Variants in TBC1D2 observed in about 807,000 individuals in gnomAD.
The protein encoded by TBC1D2 is TBC1 domain family member 2.
Under a neutral mutation model 91.1 loss-of-function variants are expected in TBC1D2, and 58 were observed. That is an observed-to-expected ratio of 0.64 (90% CI 0.52 to 0.79). TBC1D2 has a LOEUF of 0.79. Among genes scored for constraint, TBC1D2 ranks in the 30% least tolerant of loss-of-function variants. The pLI, the probability that TBC1D2 is intolerant of heterozygous loss-of-function variation, is 0.00. For synonymous variants in TBC1D2, 482 were observed against 511.5 expected (o/e 0.94, Z 0.78); for missense variants, 1,080 against 1,208.3 (o/e 0.89, Z 1.57).
chr9:98,247,303 C>CTGTGT (rs1829783694), intron 2 of TBC1D2, among the ~76,000 whole-genome samples: 1 of 148,432 alleles, frequency 6.7e-6, no homozygotes, highest in Non-Finnish European at 1.5e-5. Flanking sequence ...TTCCAGCAGC[C>CTGTGT]TGTGTGACAG....
intron 5 of TBC1D2, among the ~76,000 whole-genome samples, chr9:98,222,858 T>C (rs947130540): frequency 1.3e-5 from 2 of 152,230 alleles, no homozygotes; most frequent in Non-Finnish European, 2.9e-5. Flanking sequence ...CCAAAAACCA[T>C]GACTTTTTTG....
rs966187812 is a variant in TBC1D2 at position 98,243,926 on chromosome 9, A to C, written c.647+68T>G. 1.6e-5 allele frequency: 25 copies of C among 1,555,596 alleles called. No homozygotes were observed. The African/African-American group carries it at 3.1e-4, about 19-fold the overall frequency. ...GCCCATCTCCCTGCAGGAGAATCAC[A>C]GTGGGTCAAGCTCCACTGAAGGGGC... On this transcript the variant is annotated intron_variant, in intron 3 of 12. Transcript: ENST00000465784.
At chr9:98,251,579 C>G (rs1004733478) in intron 2 of TBC1D2, among the ~76,000 whole-genome samples, 6 of 152,194 alleles carry the variant, frequency 3.9e-5, no homozygotes, top group Admixed American at 6.5e-5. Flanking sequence ...AAAGGTTAAA[C>G]AACTTGCCTA....
At position 98,238,731 on chromosome 9, in the gene TBC1D2, T is replaced by TTTCTTTGTTTTTTG. The variant is rs1373994080; in HGVS notation, c.648-5183_648-5182insCAAAAAACAAAGAA. ...GCTGGGGAAGTTTCGTTCTACTTGT[T>TTTCTTTGTTTTTTG]TTTTTTGTTTTTTGTTTTTTGTTTT... On this transcript the variant is annotated intron_variant, in intron 3 of 12. Coordinates refer to ENST00000465784, the MANE Select transcript of TBC1D2 (RefSeq NM_001267571.2). Among the ~76,000 whole-genome samples the TTTCTTTGTTTTTTG allele has an allele frequency of 1.5e-5, 2 of 136,630 alleles. 1 individual carries two copies. Among genetic ancestry groups the TTTCTTTGTTTTTTG allele is most frequent in the Non-Finnish European group, 3.0e-5 (2 of 67,642 alleles). 89.6% of individuals were successfully genotyped at this position (136,630 alleles called of 152,430 possible).
chr9:98,201,015 C>CAAA (rs561393645), intron 11 of TBC1D2, among the ~76,000 whole-genome samples: 24 of 110,846 alleles, frequency 2.2e-4, no homozygotes, highest in African/African-American at 7.7e-4. Flanking sequence ...GGCTCCATCT[C>CAAA]AAAAAAAAAA....
chr9:98,204,022 C>T (rs973167709), intron 9 of TBC1D2, among the ~76,000 whole-genome samples: 4 of 152,052 alleles, frequency 2.6e-5, no homozygotes, highest in African/African-American at 9.7e-5. Flanking sequence ...TTTTTTTCTC[C>T]TTTACTTCCC....
intron 6 of TBC1D2, among the ~76,000 whole-genome samples, chr9:98,217,964 C>T (rs898056419): frequency 6.6e-5 from 10 of 152,132 alleles, no homozygotes; most frequent in African/African-American, 2.4e-4. Flanking sequence ...AATCCTCTAG[C>T]TTCAGCTTCC....
intron 8 of TBC1D2, 135 bp downstream of exon 8, chr9:98,210,521 C>T (rs1828805600): frequency 1.2e-6 from 1 of 851,824 alleles, no homozygotes; most frequent in Non-Finnish European, 1.7e-6. Context: ...TGCAGCCGCA[C>T]ACTAATGCAT....
chr9:98,207,189 T>C (rs1828676584), intron 9 of TBC1D2, among the ~76,000 whole-genome samples: 1 of 152,212 alleles, frequency 6.6e-6, no homozygotes, highest in Non-Finnish European at 1.5e-5. Flanking sequence ...TCACCCAATT[T>C]TAGGCTGGAA....
Position 98,255,506 on chromosome 9 carries a change from G to T in TBC1D2, c.36C>A (p.Ser12Arg), listed in dbSNP as rs1829958320. The T allele has an allele frequency of 6.5e-7, 1 of 1,547,682 alleles. No individual in the cohort carries two copies. Among genetic ancestry groups the T allele is most frequent in the Non-Finnish European group, 8.7e-7 (1 of 1,145,378 alleles). Residue 12 changes from serine (S) to arginine (R), a missense_variant, in exon 1 of 13, where the codon AGC (serine) becomes AGA (arginine). Transcript: ENST00000465784. Reference protein sequence around the residue: ...EGAGENAPESSSSAPGSEESA... With the variant: ...EGAGENAPESRSSAPGSEESA... ...ACTCTTCGGACCCAGGGGCAGAGGA[G>T]CTGGACTCCGGGGCGTTCTCCCCAG... is the stretch of plus-strand genomic sequence containing the variant.
intron 3 of TBC1D2, among the ~76,000 whole-genome samples, chr9:98,240,898 A>C (rs1166920766): frequency 6.6e-6 from 1 of 152,004 alleles, no homozygotes; most frequent in African/African-American, 2.4e-5. Context: ...TTCATGGACC[A>C]TTTTCTGTTT....
intron 2 of TBC1D2, 60 bp from the exon 3 acceptor site, chr9:98,244,189 A>C: frequency 6.3e-7 from 1 of 1,598,804 alleles, no homozygotes; most frequent in South Asian, 1.1e-5. Flanking sequence ...AAGACAGGTC[A>C]GGTGGGATGC....
intron 6 of TBC1D2, among the ~76,000 whole-genome samples, chr9:98,214,787 T>C (rs1442007989): frequency 6.6e-6 from 1 of 152,196 alleles, no homozygotes; most frequent in Admixed American, 6.5e-5. Flanking sequence ...GCCCAGGGGC[T>C]GCTGCCCTCC....
At chr9:98,241,273 A>G (rs867225994) in intron 3 of TBC1D2, among the ~76,000 whole-genome samples, 3 of 152,194 alleles carry the variant, frequency 2.0e-5, no homozygotes, top group Non-Finnish European at 4.4e-5. Context: ...TGGTTTGAGG[A>G]CTTAACCATG....
intron 2 of TBC1D2, among the ~76,000 whole-genome samples, chr9:98,249,159 T>C (rs965539739): frequency 3.3e-5 from 5 of 152,144 alleles, no homozygotes; most frequent in Non-Finnish European, 5.9e-5. Flanking sequence ...TGGGAAGGTT[T>C]TGCCAGGCCC....
At chr9:98,209,275 C>T (rs1162537532) in intron 8 of TBC1D2, 131 bp from the exon 9 acceptor site, 5 of 805,450 alleles carry the variant, frequency 6.2e-6, no homozygotes, top group Non-Finnish European at 1.0e-5. Flanking sequence ...CAGCTCTGGG[C>T]AGGTCACTTC....
intron 3 of TBC1D2, among the ~76,000 whole-genome samples, chr9:98,240,163 T>TG (rs1829600139): frequency 2.9e-5 from 3 of 105,072 alleles, no homozygotes; most frequent in Non-Finnish European, 5.7e-5. Flanking sequence ...GGTGTGTTTG[T>TG]GTGGTGTGTG....
rs776900208 is a variant in TBC1D2 at position 98,201,574 on chromosome 9, C to G, written c.2362G>C (p.Val788Leu). Residue 788 changes from valine (V) to leucine (L), a missense_variant, in exon 11 of 13, where the codon GTC (valine) becomes CTC (leucine). Val to Leu is a conservative substitution (Grantham distance 32). Transcript: ENST00000465784. ...ACCACGAGGAACCAGTTGAAGGTGA[C>G]GAGGGAGAGATCCACGTGGTGCTGC... The part of the protein sequence containing the change: ...LGQHHVDLSL[V>L]TFNWFLVVFA... The G allele has an allele frequency of 6.2e-7, 1 of 1,614,150 alleles. No individual in the cohort carries two copies. The highest frequency in any genetic ancestry group is 8.5e-7 in the Non-Finnish European group (1 of 1,180,030).
chr9:98,200,403 G>A lies in TBC1D2; in HGVS notation c.2458-29C>T, dbSNP rs1217341320. 2.6e-6 allele frequency: 4 copies of A among 1,548,604 alleles called. No individual in the cohort carries two copies. In the South Asian group the frequency reaches 4.6e-5, roughly 18 times the overall value. On this transcript the variant is annotated intron_variant, in intron 11 of 12. Coordinates refer to ENST00000465784, the MANE Select transcript of TBC1D2 (RefSeq NM_001267571.2). ...GGGGTAGAGTGGGGGCTCAGGTAGG[G>A]CATGGGGGGGCCAGGCAGGTCATCC...
Sources: gnomAD v4.1 joint callset for allele counts (sites outside exome capture counted in the v4.1 genomes callset) on GRCh38, gnomAD v4.1.1 for gene constraint, MANE v1.5 for transcripts, NCBI Gene and HGNC (gene_info 2026-07-23, HGNC 2026-07-21) for gene names.